Variants in CEP131 observed in about 807,000 individuals in gnomAD.
CEP131 encodes the protein centrosomal protein of 131 kDa.
In CEP131, 99 loss-of-function variants were observed where a neutral mutation model predicts 136.8. The ratio of observed to expected loss-of-function variants is 0.72; its 90% CI spans 0.62 to 0.86. The LOEUF (loss-of-function observed/expected upper bound fraction) is 0.86. CEP131 is among the 40% of genes least tolerant of loss of function. The pLI, the probability that CEP131 is intolerant of heterozygous loss-of-function variation, is 0.00. For missense variants in CEP131, 1,459 were observed against 1,463.0 expected, an observed-to-expected ratio of 1.00 and a Z score of 0.04; for synonymous variants, 646 against 612.7, an observed-to-expected ratio of 1.05 and a Z score of -0.80.
intron 12 of CEP131, 106 bp from the exon 13 acceptor site, chr17:81,197,994 G>A (rs1482377769): frequency 8.6e-6 from 13 of 1,508,226 alleles, no homozygotes; most frequent in African/African-American, 1.4e-5. Context: ...AGGGAGGGTT[G>A]TGACTAAAGC....
rs1417673363 is a variant in CEP131 at position 81,219,945 on chromosome 17, T to C, written c.112A>G (p.Thr38Ala). ...PVSRRPGSAATTKPIVRSVSV... is the reference protein window; with the variant it reads ...PVSRRPGSAAATKPIVRSVSV... Reference sequence around the variant, plus strand: ...ACAGAGCGGACGATGGGCTTGGTGGTGGCGGCACTGCCAGGACGCCGGGAC... The same window carrying C: ...ACAGAGCGGACGATGGGCTTGGTGGCGGCGGCACTGCCAGGACGCCGGGAC... The change falls in exon 2 of 26, where the codon ACC becomes GCC. Residue 38 changes from threonine (T) to alanine (A), a missense_variant. Thr to Ala is a moderately conservative substitution (Grantham distance 58, BLOSUM62 0). Around this residue, in one of 3 missense-constraint regions of CEP131, gnomAD observed 187 missense variants for 179.9 expected, o/e 1.04. Coordinates refer to ENST00000450824, the MANE Select transcript of CEP131 (RefSeq NM_014984.4). The surrounding 1 kb of genome is among the most constrained non-coding windows in gnomAD (Gnocchi z 4.0). 4 of 1,612,030 alleles carry C rather than the reference T, an allele frequency of 2.5e-6. No individual in the cohort carries two copies. Among genetic ancestry groups the C allele is most frequent in the South Asian group, 2.2e-5 (2 of 90,730 alleles).
In CEP131 at chr17:81,189,676, G is replaced by A. The variant is rs931340183; in HGVS notation, c.*93C>T. The stretch of plus-strand genomic sequence containing the variant: ...GGCATCTCAACCACCAGCCTCTGTG[G>A]GGGGCAGGTGGGCGTCCCTGTGGGC... On this transcript the variant is annotated 3_prime_UTR_variant, in exon 26 of 26. Transcript: ENST00000450824. 7 of 1,310,856 alleles carry A rather than the reference G, an allele frequency of 5.3e-6. No homozygotes were observed. In the East Asian group the frequency reaches 1.2e-4, roughly 23 times the overall value. 81.2% of individuals were successfully genotyped at this position (1,310,856 alleles called of 1,614,324 possible). A position where few individuals can be genotyped will look rare whatever the true frequency, so the allele number is the denominator to read the frequency against.
intron 13 of CEP131, 22 bp from the exon 14 acceptor site, chr17:81,197,077 A>G (rs1477766178): frequency 6.4e-7 from 1 of 1,574,604 alleles, no homozygotes; most frequent in Admixed American, 1.8e-5. Flanking sequence ...GCCGAGCGTC[A>G]GGCGGAAGCG....
intron 3 of CEP131, among the ~76,000 whole-genome samples, chr17:81,207,895 C>A (rs2146650765): frequency 6.6e-6 from 1 of 151,324 alleles, no homozygotes; most frequent in Non-Finnish European, 1.5e-5. Context: ...ACCACACACA[C>A]ACATACACCA....
At chr17:81,190,062 C>T (rs186839523) in intron 24 of CEP131, 87 bp from the exon 25 acceptor site, 78 of 1,259,062 alleles carry the variant, frequency 6.2e-5, no homozygotes, top group Admixed American at 2.6e-4. Flanking sequence ...ACGGGGCAGC[C>T]GCCTGGTCAG....
At chr17:81,221,112 G>A (rs760656472) in intron 1 of CEP131, among the ~76,000 whole-genome samples, 177 of 124,240 alleles carry the variant, frequency 1.4e-3, no homozygotes, top group Non-Finnish European at 2.2e-3. Context: ...GCAACATAGC[G>A]AGACTCCATC....
Position 81,202,287 on chromosome 17 carries a change from G to A in CEP131, c.741C>T (p.Ser247=), listed in dbSNP as rs747964778. Residue 247 remains serine (S), a synonymous_variant, in exon 7 of 26, where the codon AGC becomes AGT. Coordinates refer to ENST00000450824, the MANE Select transcript of CEP131 (RefSeq NM_014984.4). ...THSARNNTGG[S]TGLPRRKEVT... ...CCTCCTTCCGCCTGGGCAAGCCCGT[G>A]CTGCCCCCAGTATTGTTCCGGGCTG... 5 of 1,612,306 alleles carry A rather than the reference G, an allele frequency of 3.1e-6. No homozygotes were observed. The highest frequency in any genetic ancestry group is 3.4e-6 in the Non-Finnish European group (4 of 1,179,480).
Position 81,196,712 on chromosome 17 carries a change from A to G in CEP131, c.1888T>C (p.Phe630Leu). ...YEATIQRHLA[F>L]IDQLIEDKKV... Reference sequence around the variant, plus strand: ...CCCGGGCCGCTCACCTGGTCAATGAAGGCCAAGTGCCGCTGGATGGTGGCC... The same window carrying G: ...CCCGGGCCGCTCACCTGGTCAATGAGGGCCAAGTGCCGCTGGATGGTGGCC... The change falls in exon 15 of 26, where the codon TTC becomes CTC. Residue 630 changes from phenylalanine to leucine, a missense_variant. By Grantham distance (22) the Phe-to-Leu change is conservative. Transcript: ENST00000450824. 1 of 1,605,386 alleles carries G rather than the reference A, an allele frequency of 6.2e-7. No individual in the cohort carries two copies. The highest frequency in any genetic ancestry group is 8.5e-7 in the Non-Finnish European group (1 of 1,178,518).
In CEP131 at chr17:81,196,026, C is replaced by G; in HGVS notation, c.1900-75G>C. 3 of 1,294,812 alleles carry G rather than the reference C, an allele frequency of 2.3e-6. No individual in the cohort carries two copies. In the South Asian group the frequency reaches 3.8e-5, roughly 16 times the overall value. The allele number at this position is 1,294,812 out of a possible 1,614,324, so 80.2% of individuals were successfully genotyped here. On this transcript the variant is annotated intron_variant, in intron 15 of 25. Transcript: ENST00000450824. ...AGGACCCCTGATGGAGGAGACCCTCCCAGCCTCCGAGGGAGGCTAACAGCA... is the reference window on the plus strand; with the variant it reads ...AGGACCCCTGATGGAGGAGACCCTCGCAGCCTCCGAGGGAGGCTAACAGCA...
intron 13 of CEP131, 189 bp downstream of exon 13, chr17:81,197,523 T>C: frequency 2.3e-6 from 2 of 855,558 alleles, no homozygotes; most frequent in Non-Finnish European, 3.5e-6. Flanking sequence ...TGGGGGGTGC[T>C]GCATAACTAG....
rs1348896669 is a variant in CEP131, at chr17:81,206,828, C to T, written c.431G>A (p.Ser144Asn). 1.6e-5 allele frequency: 26 copies of T among 1,614,140 alleles called. No homozygotes were observed. The East Asian group carries it at 4.2e-4, about 26-fold the overall frequency. The part of the protein sequence containing the change: ...RGFTLPSNAR[S>N]SSALDSPAGP... ...CGCTGGTGAGTCAAGGGCACTGGAA[C>T]TCCGGGCATTGGATGGCAAGGTGAA... The change falls in exon 5 of 26, where the codon AGT becomes AAT. Residue 144 changes from serine (S) to asparagine (N), a missense_variant. Ser to Asn is a conservative substitution (Grantham distance 46). Around this residue, in one of 3 missense-constraint regions of CEP131, gnomAD observed 246 missense variants for 318.9 expected, o/e 0.77. Coordinates refer to ENST00000450824, the MANE Select transcript of CEP131 (RefSeq NM_014984.4).
rs773930501 is a variant in CEP131 at position 81,191,236 on chromosome 17, T to C, written c.2722A>G (p.Met908Val). Reference protein sequence around the residue: ...ELVIHRLEADMALAKEESEKA... With the variant: ...ELVIHRLEADVALAKEESEKA... The stretch of plus-strand genomic sequence containing the variant: ...TCACTCTCCTCCTTGGCCAGCGCCA[T>C]GTCGGCCTCCAGCCGGTGAATGACC... The change falls in exon 22 of 26, where the codon ATG (methionine) becomes GTG (valine). Residue 908 changes from methionine to valine, a missense_variant. This residue lies in a region of CEP131 where 1,026 missense variants were observed against 964.2 expected (regional missense o/e 1.06). Coordinates refer to ENST00000450824, the MANE Select transcript of CEP131 (RefSeq NM_014984.4). 61 of 1,613,034 alleles carry C rather than the reference T, an allele frequency of 3.8e-5. No individual in the cohort carries two copies. The South Asian group carries it at 5.9e-4, about 16-fold the overall frequency.
Position 81,199,553 on chromosome 17 carries a change from C to T in CEP131, c.1024-4G>A, listed in dbSNP as rs750284828. On this transcript the variant is annotated splice_region_variant and splice_polypyrimidine_tract_variant and intron_variant, in intron 9 of 25. Transcript: ENST00000450824. ...GGGCTCGTTTCTGTTGCAGCTCCTG[C>T]AGTGGGAGCATCGCTGAGCACTGTC... The T allele has an allele frequency of 6.2e-7, 1 of 1,603,164 alleles. No homozygotes were observed. Among genetic ancestry groups the T allele is most frequent in the Non-Finnish European group, 8.5e-7 (1 of 1,175,430 alleles).
At chr17:81,198,496 A>AC (rs2061818068) in intron 11 of CEP131, among the ~76,000 whole-genome samples, 199 bp from the exon 12 acceptor site, 4 of 152,108 alleles carry the variant, frequency 2.6e-5, no homozygotes, top group Non-Finnish European at 5.9e-5. Context: ...AGCTCCAGCC[A>AC]CCAGGGGACT....
At position 81,198,277 on chromosome 17, in the gene CEP131, T is replaced by G; in HGVS notation, c.1308A>C (p.Ala436=). ...DRTQDVLAQD[A]AGDNLEMMAP... Reference sequence around the variant, plus strand: ...CCATCATCTCCAGGTTGTCCCCAGCTGCATCCTGGGCAAGAACGTCCTGCA... The same window carrying G: ...CCATCATCTCCAGGTTGTCCCCAGCGGCATCCTGGGCAAGAACGTCCTGCA... Residue 436 remains alanine, a synonymous_variant, in exon 12 of 26, where the codon GCA becomes GCC. Coordinates refer to ENST00000450824, the MANE Select transcript of CEP131 (RefSeq NM_014984.4). 6.2e-7 allele frequency: 1 copy of G among 1,602,738 alleles called. No homozygotes were observed. The highest frequency in any genetic ancestry group is 8.5e-7 in the Non-Finnish European group (1 of 1,174,676).
Position 81,202,263 on chromosome 17 carries a change from C to T in CEP131, c.765G>A (p.Glu255=). ...GGSTGLPRRK[E]VTEEEAERFI... ...ACCTCTCAGCCTCCTCCTCCGTCAC[C>T]TCCTTCCGCCTGGGCAAGCCCGTGC... The change falls in exon 7 of 26, where the codon GAG becomes GAA. Residue 255 remains glutamate (E), a synonymous_variant. Coordinates refer to ENST00000450824, the MANE Select transcript of CEP131 (RefSeq NM_014984.4). 1 of 1,610,750 alleles carries T rather than the reference C, an allele frequency of 6.2e-7. No individual in the cohort carries two copies. The highest frequency in any genetic ancestry group is 8.5e-7 in the Non-Finnish European group (1 of 1,178,578).
At chr17:81,220,159 G>A (rs2062355148) in intron 1 of CEP131, 86 bp from the exon 2 acceptor site, 1 of 1,185,156 alleles carries the variant, frequency 8.4e-7, no homozygotes, top group African/African-American at 1.6e-5. Context: ...AGCCTCAGCT[G>A]GGTCCACTGG....
rs115434829 is a variant in CEP131, at chr17:81,189,714, G to A, written c.*55C>T. 2,577 of 1,521,456 alleles carry A rather than the reference G, an allele frequency of 1.7e-3. 43 individuals are homozygous for A. In the African/African-American group the frequency reaches 0.03, roughly 18 times the overall value. The allele number at this position is 1,521,456 out of a possible 1,614,324, so 94.2% of individuals were successfully genotyped here. ...CGTCCCTGTGGGCCTCTGGGCCCAC[G>A]TCCAGCCTCTGTCCTCTGCCTTCCG... On this transcript the variant is annotated 3_prime_UTR_variant, in exon 26 of 26. Transcript: ENST00000450824.
chr17:81,199,857 T>G (rs759318598), intron 8 of CEP131, 22 bp from the exon 9 acceptor site: 1 of 1,607,340 alleles, frequency 6.2e-7, no homozygotes, highest in Non-Finnish European at 8.5e-7. Context: ...GCCGGTGCCA[T>G]GTGGCGTTTA....
Sources: gnomAD v4.1 joint callset for allele counts (sites outside exome capture counted in the v4.1 genomes callset) on GRCh38, gnomAD v4.1.1 for gene constraint, gnomAD v4.1.1 regional missense constraint, Gnocchi (gnomAD v3.1) non-coding constraint, MANE v1.5 for transcripts, NCBI Gene and HGNC (gene_info 2026-07-23, HGNC 2026-07-21) for gene names.